FOXI1: variants seen among roughly 807,000 people sequenced by gnomAD.
FOXI1 encodes the protein forkhead box protein I1.
In FOXI1, 11 loss-of-function variants were observed where a neutral mutation model predicts 16.4. The ratio of observed to expected loss-of-function variants is 0.67; its 90% CI spans 0.42 to 1.11. FOXI1 has a LOEUF of 1.11. Among genes scored for constraint, FOXI1 ranks in the 50% least tolerant of loss-of-function variants. FOXI1 has a pLI of 0.00. For missense variants in FOXI1, 480 were observed against 506.1 expected, an observed-to-expected ratio of 0.95 and a Z score of 0.49; for synonymous variants, 218 against 211.5, an observed-to-expected ratio of 1.03 and a Z score of -0.27.
intron 1 of FOXI1, among the ~76,000 whole-genome samples, chr5:170,107,614 C>T (rs919874945): frequency 6.6e-6 from 1 of 152,252 alleles, no homozygotes; most frequent in African/African-American, 2.4e-5. Flanking sequence ...TTCCAAAGCC[C>T]CTCAGTCAGT....
Position 170,106,238 on chromosome 5 carries a change from C to G in FOXI1, c.281C>G (p.Pro94Arg). The change falls in exon 1 of 2, where the codon CCG becomes CGG. Residue 94 changes from proline (P) to arginine (R), a missense_variant. This residue lies in a region of FOXI1 where 219 missense variants were observed against 222.9 expected (regional missense o/e 0.98). Coordinates refer to ENST00000306268, the MANE Select transcript of FOXI1 (RefSeq NM_012188.5). ...CCCCAGGCCTATGGAGTGCAGAGGC[C>G]GCTGCTGCCCAGCGTGTCGGGGCTT... ...FLPQAYGVQRPLLPSVSGLGG... is the reference protein window; with the variant it reads ...FLPQAYGVQRRLLPSVSGLGG... The G allele has an allele frequency of 1.3e-6, 2 of 1,578,608 alleles. No homozygotes were observed. Among genetic ancestry groups the G allele is most frequent in the Admixed American group, 1.8e-5 (1 of 55,116 alleles).
rs1421686335 is a variant in FOXI1 at position 170,106,217 on chromosome 5, A to C, written c.260A>C (p.Gln87Pro). Residue 87 changes from glutamine to proline, a missense_variant, in exon 1 of 2, where the codon CAG becomes CCG. This residue lies in a region of FOXI1 where 219 missense variants were observed against 222.9 expected (regional missense o/e 0.98). Transcript: ENST00000306268. Reference sequence around the variant, plus strand: ...CCCAACGCCAGCCCCTTCCTGCCCCAGGCCTATGGAGTGCAGAGGCCGCTG... The same window carrying C: ...CCCAACGCCAGCCCCTTCCTGCCCCCGGCCTATGGAGTGCAGAGGCCGCTG... ...PGPNASPFLP[Q>P]AYGVQRPLLP... 1.3e-6 allele frequency: 2 copies of C among 1,578,388 alleles called. No individual in the cohort carries two copies. The highest frequency in any genetic ancestry group is 1.4e-5 in the African/African-American group (1 of 73,746).
intron 1 of FOXI1, chr5:170,106,949 A>G: frequency 1.0e-6 from 1 of 983,978 alleles, no homozygotes. Context: ...TGGTGAATGA[A>G]TGACTGGACC....
rs1231234837 is a variant in FOXI1, at chr5:170,108,615, C to T, written c.*4C>T. The T allele has an allele frequency of 1.2e-6, 2 of 1,607,904 alleles. No individual in the cohort carries two copies. The highest frequency in any genetic ancestry group is 2.2e-5 in the South Asian group (2 of 90,966). On this transcript the variant is annotated 3_prime_UTR_variant, in exon 2 of 2. Transcript: ENST00000306268. ...CAGGGAGGGCACCGAGGTCTAGGTACAGAACAGCTCCTGAGCCAGGTGGAC... is the reference window on the plus strand; with the variant it reads ...CAGGGAGGGCACCGAGGTCTAGGTATAGAACAGCTCCTGAGCCAGGTGGAC...
At chr5:170,107,361 C>G (rs532524285) in intron 1 of FOXI1, among the ~76,000 whole-genome samples, 1 of 152,330 alleles carries the variant, frequency 6.6e-6, no homozygotes, top group Admixed American at 6.5e-5. Context: ...GGAACCCCAA[C>G]TCTGCCCCAT....
chr5:170,108,370 T>G lies in FOXI1; in HGVS notation c.896T>G (p.Leu299Trp). 1 of 1,614,104 alleles carries G rather than the reference T, an allele frequency of 6.2e-7. No individual in the cohort carries two copies. Among genetic ancestry groups the G allele is most frequent in the South Asian group, 1.1e-5 (1 of 91,076 alleles). ...VSGGSPTSHP[L>W]VTPGLSPEPS... ...GGGGGGAGCCCCACGAGCCACCCCT[T>G]GGTCACACCAGGACTGAGCCCTGAG... The change falls in exon 2 of 2, where the codon TTG becomes TGG. Residue 299 changes from leucine to tryptophan, a missense_variant. By Grantham distance (61) the Leu-to-Trp change is moderately conservative. Coordinates refer to ENST00000306268, the MANE Select transcript of FOXI1 (RefSeq NM_012188.5).
chr5:170,108,653 A>G lies in FOXI1; in HGVS notation c.*42A>G, dbSNP rs749688057. The G allele has an allele frequency of 4.0e-6, 6 of 1,504,000 alleles. No individual in the cohort carries two copies. The highest frequency in any genetic ancestry group is 5.6e-6 in the Non-Finnish European group (6 of 1,080,698). 93.2% of individuals were successfully genotyped at this position (1,504,000 alleles called of 1,614,324 possible). ...GAGCCAGGTGGACATGCCAGAGAGAAAAGCAGTAGAGGTCCTCCATGCCAG... is the reference window on the plus strand; with the variant it reads ...GAGCCAGGTGGACATGCCAGAGAGAGAAGCAGTAGAGGTCCTCCATGCCAG... On this transcript the variant is annotated 3_prime_UTR_variant, in exon 2 of 2. Coordinates refer to ENST00000306268, the MANE Select transcript of FOXI1 (RefSeq NM_012188.5).
rs1758605395 is a variant in FOXI1 at position 170,109,588 on chromosome 5, G to A, written c.*977G>A. On this transcript the variant is annotated 3_prime_UTR_variant, in exon 2 of 2. Coordinates refer to ENST00000306268, the MANE Select transcript of FOXI1 (RefSeq NM_012188.5). Reference sequence around the variant, plus strand: ...TGGATGTTTGTCTGAGAAAACAATGGCCTCAAGGGAGGGGCCTTGGGCCCA... The same window carrying A: ...TGGATGTTTGTCTGAGAAAACAATGACCTCAAGGGAGGGGCCTTGGGCCCA... 1 of 152,182 alleles carries A rather than the reference G, an allele frequency of 6.6e-6. No individual in the cohort carries two copies. The highest frequency in any genetic ancestry group is 2.4e-5 in the African/African-American group (1 of 41,464). 9.4% of individuals were successfully genotyped at this position (152,182 alleles called of 1,614,324 possible).
chr5:170,107,513 G>A (rs1333578932), intron 1 of FOXI1, among the ~76,000 whole-genome samples: 3 of 152,194 alleles, frequency 2.0e-5, no homozygotes, highest in South Asian at 2.1e-4. Flanking sequence ...CAGCTGCAAC[G>A]CTCCTTTCCA....
rs1317865226 is a variant in FOXI1 at position 170,108,504 on chromosome 5, A to G, written c.1030A>G (p.Asn344Asp). The G allele has an allele frequency of 1.4e-5, 22 of 1,604,780 alleles. No homozygotes were observed. The highest frequency in any genetic ancestry group is 1.8e-5 in the Non-Finnish European group (21 of 1,173,912). ...TGACTGGGCGAACCCCATGCCCACC[A>G]ACATGCTCAGCTATGGAGGATCTGT... The part of the protein sequence containing the change: ...GGDWANPMPT[N>D]MLSYGGSVLS... Residue 344 changes from asparagine to aspartate, a missense_variant, in exon 2 of 2, where the codon AAC becomes GAC. By Grantham distance (23) the Asn-to-Asp change is conservative (BLOSUM62 1). Coordinates refer to ENST00000306268, the MANE Select transcript of FOXI1 (RefSeq NM_012188.5).
rs146116253 is a variant in FOXI1, at chr5:170,106,116, C to T, written c.159C>T (p.Gly53=). The change falls in exon 1 of 2, where the codon GGC becomes GGT. Residue 53 remains glycine, a synonymous_variant. Coordinates refer to ENST00000306268, the MANE Select transcript of FOXI1 (RefSeq NM_012188.5). ...AGCGGCCCTCCTTCGAGGGGGGCGGCGAGTATGGGGCCACCCCCAACCCCT... is the reference window on the plus strand; with the variant it reads ...AGCGGCCCTCCTTCGAGGGGGGCGGTGAGTATGGGGCCACCCCCAACCCCT... ...SPQRPSFEGG[G]EYGATPNPYL... 5.0e-6 allele frequency: 8 copies of T among 1,612,188 alleles called. No homozygotes were observed. In the African/African-American group the frequency reaches 6.7e-5, roughly 13 times the overall value.
At position 170,108,208 on chromosome 5, in the gene FOXI1, C is replaced by A. The variant is rs1487920356; in HGVS notation, c.734C>A (p.Thr245Asn). The change falls in exon 2 of 2, where the codon ACC (threonine) becomes AAC (asparagine). Residue 245 changes from threonine (T) to asparagine (N), a missense_variant. Transcript: ENST00000306268. ...ESSLPVDSPK[T>N]TEPQDILDGA... ...AGTCTCCCGGTGGACAGCCCCAAGACCACGGAGCCTCAGGACATCTTGGAT... is the reference window on the plus strand; with the variant it reads ...AGTCTCCCGGTGGACAGCCCCAAGAACACGGAGCCTCAGGACATCTTGGAT... 1.9e-6 allele frequency: 3 copies of A among 1,614,210 alleles called. No individual in the cohort carries two copies. The highest frequency in any genetic ancestry group is 3.3e-5 in the Admixed American group (2 of 60,032).
Position 170,108,893 on chromosome 5 carries a change from T to C in FOXI1, c.*282T>C, listed in dbSNP as rs1758584547. On this transcript the variant is annotated 3_prime_UTR_variant, in exon 2 of 2. Coordinates refer to ENST00000306268, the MANE Select transcript of FOXI1 (RefSeq NM_012188.5). ...GGCTCTGTACTGGCCACACTTACTA[T>C]TGACAGTCACCCCGTAAGGTTCACA... 8.9e-6 allele frequency: 4 copies of C among 448,478 alleles called. No individual in the cohort carries two copies. Among genetic ancestry groups the C allele is most frequent in the Non-Finnish European group, 1.6e-5 (4 of 247,204 alleles). 27.8% of individuals were successfully genotyped at this position (448,478 alleles called of 1,614,324 possible). A position where few individuals can be genotyped will look rare whatever the true frequency, so the allele number is the denominator to read the frequency against.
At chr5:170,107,285 T>G (rs937283574) in intron 1 of FOXI1, among the ~76,000 whole-genome samples, 6 of 152,236 alleles carry the variant, frequency 3.9e-5, no homozygotes, top group African/African-American at 1.4e-4. Flanking sequence ...TAAATACTCA[T>G]GCATCCATTT....
chr5:170,108,828 T>G lies in FOXI1; in HGVS notation c.*217T>G. 1 of 599,052 alleles carries G rather than the reference T, an allele frequency of 1.7e-6. No homozygotes were observed. Among genetic ancestry groups the G allele is most frequent in the East Asian group, 2.8e-5 (1 of 35,388 alleles). 37.1% of individuals were successfully genotyped at this position (599,052 alleles called of 1,614,324 possible). A position where few individuals can be genotyped will look rare whatever the true frequency, so the allele number is the denominator to read the frequency against. On this transcript the variant is annotated 3_prime_UTR_variant, in exon 2 of 2. Coordinates refer to ENST00000306268, the MANE Select transcript of FOXI1 (RefSeq NM_012188.5). The stretch of plus-strand genomic sequence containing the variant: ...ACCAACTTTGCAATAGAAATACTGG[T>G]GCCTGCAGAGCAGCACTAACAGTGG...
In FOXI1 at chr5:170,108,751, A is replaced by G; in HGVS notation, c.*140A>G. On this transcript the variant is annotated 3_prime_UTR_variant, in exon 2 of 2. Transcript: ENST00000306268. The stretch of plus-strand genomic sequence containing the variant: ...CCTCCGAGGAATCCACCCTCTTTCT[A>G]GAACACTGGTTAAGGCTTCTGTTTA... 2 of 706,020 alleles carry G rather than the reference A, an allele frequency of 2.8e-6. No individual in the cohort carries two copies. Among genetic ancestry groups the G allele is most frequent in the East Asian group, 2.6e-5 (1 of 37,932 alleles). The allele number at this position is 706,020 out of a possible 1,614,324, so 43.7% of individuals were successfully genotyped here.
chr5:170,107,322 C>A (rs1196470259), intron 1 of FOXI1, among the ~76,000 whole-genome samples: 1 of 152,164 alleles, frequency 6.6e-6, no homozygotes, highest in Non-Finnish European at 1.5e-5. Flanking sequence ...ACTTTTGTTC[C>A]ACCGCAGGAA....
rs544507532 is a variant in FOXI1 at position 170,108,710 on chromosome 5, C to T, written c.*99C>T. 7.7e-6 allele frequency: 7 copies of T among 911,786 alleles called. No homozygotes were observed. Among genetic ancestry groups the T allele is most frequent in the Non-Finnish European group, 1.3e-5 (7 of 548,780 alleles). The allele number at this position is 911,786 out of a possible 1,614,324, so 56.5% of individuals were successfully genotyped here. A position where few individuals can be genotyped will look rare whatever the true frequency, so the allele number is the denominator to read the frequency against. ...GGTGGTCCATGACTGCGGAACTGCC[C>T]AGACATAAGCAGGAGCCTCCGAGGA... On this transcript the variant is annotated 3_prime_UTR_variant, in exon 2 of 2. Transcript: ENST00000306268.
chr5:170,108,137 T>A lies in FOXI1; in HGVS notation c.663T>A (p.Asp221Glu), dbSNP rs773391971. ...GCAGGAAAAGGAAGAGAAAATCAGA[T>A]GTTTCCTCTAGCACAGCCTCCTTGG... ...NFRRKRKRKSDVSSSTASLAL... is the reference protein window; with the variant it reads ...NFRRKRKRKSEVSSSTASLAL... The change falls in exon 2 of 2, where the codon GAT (aspartate) becomes GAA (glutamate). Residue 221 changes from aspartate to glutamate, a missense_variant. By Grantham distance (45) the Asp-to-Glu change is conservative. Coordinates refer to ENST00000306268, the MANE Select transcript of FOXI1 (RefSeq NM_012188.5). 6.2e-7 allele frequency: 1 copy of A among 1,613,980 alleles called. No homozygotes were observed. Among genetic ancestry groups the A allele is most frequent in the Admixed American group, 1.7e-5 (1 of 60,020 alleles).
Sources: allele counts gnomAD v4.1 joint callset (sites outside exome capture counted in the v4.1 genomes callset), GRCh38; gene constraint gnomAD v4.1.1; regional missense constraint gnomAD v4.1.1; transcripts MANE v1.5; gene names NCBI Gene and HGNC (gene_info 2026-07-23, HGNC 2026-07-21).